ANKS1B: variants seen among roughly 807,000 people sequenced by gnomAD.
ANKS1B encodes ankyrin repeat and sterile alpha motif domain-containing protein 1B.
In ANKS1B, 36 loss-of-function variants were observed where a neutral mutation model predicts 148.3. The observed-to-expected ratio is 0.24, with a 90% CI of 0.19 to 0.32. The LOEUF is 0.32. Among genes scored for constraint, ANKS1B ranks in the 10% least tolerant of loss-of-function variants. The probability of loss-of-function intolerance (pLI) is 1.00; values close to 1 mark genes in which losing one functional copy is unlikely to be tolerated. For synonymous variants in ANKS1B, 542 were observed against 560.8 expected (o/e 0.97, Z 0.47); for missense variants, 1,157 against 1,542.6 (o/e 0.75, Z 4.19).
At chr12:99,355,426 G>A (rs986385975) in intron 12 of ANKS1B, among the ~76,000 whole-genome samples, 3 of 152,064 alleles carry the variant, frequency 2.0e-5, no homozygotes, top group African/African-American at 7.2e-5. Context: ...CCAAAGTTTA[G>A]GTTCATTCTG....
intron 16 of ANKS1B, among the ~76,000 whole-genome samples, chr12:99,074,895 C>T (rs562426069): frequency 1.3e-5 from 2 of 152,138 alleles, no homozygotes; most frequent in Non-Finnish European, 2.9e-5. Flanking sequence ...GGAAGATGAA[C>T]ATGGCCAAGA....
intron 16 of ANKS1B, among the ~76,000 whole-genome samples, chr12:99,074,684 T>C (rs1056795734): frequency 6.6e-6 from 1 of 152,190 alleles, no homozygotes; most frequent in Non-Finnish European, 1.5e-5. Flanking sequence ...AGTGCTGTCA[T>C]GCTTACATGA....
intron 1 of ANKS1B, among the ~76,000 whole-genome samples, chr12:99,843,180 A>C (rs576049636): frequency 3.3e-5 from 5 of 152,144 alleles, no homozygotes; most frequent in Non-Finnish European, 7.4e-5. Context: ...CTAGGAGATA[A>C]GTTATTTCCA....
intron 1 of ANKS1B, among the ~76,000 whole-genome samples, chr12:99,957,736 T>C (rs2095345377): frequency 6.6e-6 from 1 of 152,226 alleles, no homozygotes; most frequent in Non-Finnish European, 1.5e-5. Context: ...AAATATATCA[T>C]ATTTAATTGT....
At chr12:99,370,190 A>T (rs1421142255) in intron 12 of ANKS1B, among the ~76,000 whole-genome samples, 2 of 152,146 alleles carry the variant, frequency 1.3e-5, no homozygotes, top group Non-Finnish European at 2.9e-5. Context: ...TCTAGGGCCA[A>T]AAAGGCACTG....
intron 9 of ANKS1B, among the ~76,000 whole-genome samples, chr12:99,590,335 C>G (rs2097690393): frequency 6.7e-6 from 1 of 149,874 alleles, no homozygotes; most frequent in Non-Finnish European, 1.5e-5. Context: ...AGGCATAGTC[C>G]TTACTCTATG....
At chr12:99,729,528 T>C (rs1216430393) in intron 8 of ANKS1B, among the ~76,000 whole-genome samples, 1 of 152,182 alleles carries the variant, frequency 6.6e-6, no homozygotes, top group Non-Finnish European at 1.5e-5. Context: ...TATTCTCTAT[T>C]TGATGCAAAA....
At chr12:99,688,585 C>T (rs2098662305) in intron 8 of ANKS1B, among the ~76,000 whole-genome samples, 1 of 152,208 alleles carries the variant, frequency 6.6e-6, no homozygotes, top group South Asian at 2.1e-4. Flanking sequence ...GCCTGTAATC[C>T]TAGCACTTTA....
chr12:99,271,662 CTATATATATATATATATATA>C (rs59207203), intron 12 of ANKS1B, among the ~76,000 whole-genome samples: 1 of 94,222 alleles, frequency 1.1e-5, no homozygotes, highest in African/African-American at 4.7e-5. Context: ...AGTCAATAAA[CTATATATATATATATATATA>C]TATATATATA....
chr12:99,363,915 G>A lies in ANKS1B; in HGVS notation c.1756+35716C>T, dbSNP rs143383415. 2.3e-4 allele frequency among the ~76,000 whole-genome samples: 35 copies of A among 152,244 alleles called. No individual in the cohort carries two copies. The East Asian group carries it at 6.4e-3, about 28-fold the overall frequency. On this transcript the variant is annotated intron_variant, in intron 12 of 26. Coordinates refer to ENST00000683438, the MANE Select transcript of ANKS1B (RefSeq NM_001352186.2). ...AGTTGGCTCCAGAGCCCTTACCTTA[G>A]TGAGATGGAGGGGACTTGTATATAT...
At chr12:99,504,202 C>A (rs1322282088) in intron 10 of ANKS1B, among the ~76,000 whole-genome samples, 2 of 152,092 alleles carry the variant, frequency 1.3e-5, no homozygotes, top group East Asian at 3.9e-4. Context: ...GTGTATCTTA[C>A]CTAGAAGGTT....
chr12:99,228,751 G>A (rs2086361424), intron 14 of ANKS1B, among the ~76,000 whole-genome samples: 1 of 151,734 alleles, frequency 6.6e-6, no homozygotes, highest in Admixed American at 6.6e-5. Flanking sequence ...ATAAAAACAA[G>A]TCCAATGACT....
At chr12:99,924,617 T>A (rs2094441747) in intron 1 of ANKS1B, among the ~76,000 whole-genome samples, 1 of 152,112 alleles carries the variant, frequency 6.6e-6, no homozygotes, top group African/African-American at 2.4e-5. Context: ...AGTAATCATG[T>A]CATGACAGCA....
chr12:99,083,510 C>T (rs555865967), intron 16 of ANKS1B, among the ~76,000 whole-genome samples: 2 of 152,286 alleles, frequency 1.3e-5, no homozygotes, highest in Non-Finnish European at 2.9e-5. Context: ...CTGACACACA[C>T]TGACCCAACC....
intron 17 of ANKS1B, among the ~76,000 whole-genome samples, chr12:98,876,528 G>T (rs147015701): frequency 1.3e-5 from 2 of 152,184 alleles, no homozygotes; most frequent in African/African-American, 4.8e-5. Context: ...GGCCTTACAC[G>T]TCTTTGTATT....
At chr12:99,713,134 T>C (rs975970222) in intron 8 of ANKS1B, among the ~76,000 whole-genome samples, 1 of 152,188 alleles carries the variant, frequency 6.6e-6, no homozygotes, top group Non-Finnish European at 1.5e-5. Flanking sequence ...TCCACAAATA[T>C]ATGCAGGATA....
chr12:99,415,288 T>C (rs1454810408), intron 11 of ANKS1B, among the ~76,000 whole-genome samples: 2 of 152,208 alleles, frequency 1.3e-5, no homozygotes, highest in African/African-American at 4.8e-5. Flanking sequence ...GAATTTAAAA[T>C]AAGTAAAACC....
intron 14 of ANKS1B, among the ~76,000 whole-genome samples, chr12:99,184,971 ATAAT>A (rs1483804059): frequency 2.6e-5 from 4 of 152,248 alleles, no homozygotes; most frequent in South Asian, 4.1e-4. Flanking sequence ...TATATATTGG[ATAAT>A]TAAAGACAAT....
chr12:99,691,045 C>G (rs184562758), intron 8 of ANKS1B, among the ~76,000 whole-genome samples: 103 of 152,338 alleles, frequency 6.8e-4, no homozygotes, highest in African/African-American at 2.4e-3. Flanking sequence ...AGGCTCAACA[C>G]TATGTGGAAG....
Sources: gnomAD v4.1 joint callset for allele counts (sites outside exome capture counted in the v4.1 genomes callset) on GRCh38, gnomAD v4.1.1 for gene constraint, MANE v1.5 for transcripts, NCBI Gene and HGNC (gene_info 2026-07-23, HGNC 2026-07-21) for gene names.